The following POU6F2 variants were observed in gnomAD, a reference collection of about 807,000 sequenced individuals.
POU6F2 encodes the protein POU domain, class 6, transcription factor 2.
POU6F2 carries 31 observed loss-of-function variants against 71.3 expected under a neutral mutation model. The ratio of observed to expected loss-of-function variants is 0.43; its 90% CI spans 0.33 to 0.59. The LOEUF is 0.59. Among genes scored for constraint, POU6F2 ranks in the 20% least tolerant of loss-of-function variants. The probability of loss-of-function intolerance (pLI) is 0.04; values close to 1 mark genes in which losing one functional copy is unlikely to be tolerated. For synonymous variants in POU6F2, 347 were observed against 355.7 expected, an observed-to-expected ratio of 0.98 and a Z score of 0.27; for missense variants, 783 against 856.8, an observed-to-expected ratio of 0.91 and a Z score of 1.07.
chr7:39,436,607 C>G (rs767641002), intron 7 of POU6F2, among the ~76,000 whole-genome samples: 2 of 152,046 alleles, frequency 1.3e-5, no homozygotes, highest in African/African-American at 2.4e-5. Context: ...ATTTGAATAC[C>G]CTTTATTTTC....
intron 2 of POU6F2, among the ~76,000 whole-genome samples, chr7:39,095,019 CA>C (rs1256087964): frequency 6.6e-6 from 1 of 152,006 alleles, no homozygotes; most frequent in African/African-American, 2.4e-5. Context: ...GAGAAGCATG[CA>C]AAAAATATTG....
At chr7:39,339,085 A>T (rs1430417899) in intron 4 of POU6F2, among the ~76,000 whole-genome samples, 3 of 151,358 alleles carry the variant, frequency 2.0e-5, no homozygotes, top group African/African-American at 4.9e-5. Flanking sequence ...GAATTTTTAA[A>T]AAAAAAAAAA....
At chr7:39,025,688 G>A (rs1439291194) in intron 1 of POU6F2, among the ~76,000 whole-genome samples, 2 of 150,964 alleles carry the variant, frequency 1.3e-5, no homozygotes, top group Non-Finnish European at 3.0e-5. Context: ...CATAGGCATG[G>A]GCAAGGACTT....
At chr7:39,363,491 T>A (rs1786434248) in intron 5 of POU6F2, among the ~76,000 whole-genome samples, 1 of 151,706 alleles carries the variant, frequency 6.6e-6, no homozygotes, top group Non-Finnish European at 1.5e-5. Context: ...GTGCTGGAGA[T>A]ATAAACTTGC....
chr7:39,252,900 A>G (rs1456183466), intron 4 of POU6F2, among the ~76,000 whole-genome samples: 10 of 152,058 alleles, frequency 6.6e-5, no homozygotes, highest in Non-Finnish European at 1.3e-4. Context: ...TCTTAACACT[A>G]TGCGATAGAC....
At chr7:39,127,194 A>G (rs941367337) in intron 2 of POU6F2, among the ~76,000 whole-genome samples, 8 of 152,216 alleles carry the variant, frequency 5.3e-5, no homozygotes, top group Non-Finnish European at 1.0e-4. Flanking sequence ...CTGATAGCAT[A>G]TCACACTTGA....
intron 2 of POU6F2, among the ~76,000 whole-genome samples, chr7:39,138,313 A>T (rs1339132112): frequency 6.6e-6 from 1 of 152,210 alleles, no homozygotes; most frequent in Non-Finnish European, 1.5e-5. Context: ...TATTATTTAA[A>T]TAGGGGTCCC....
chr7:39,230,392 AAGG>A (rs2128749901), intron 4 of POU6F2, among the ~76,000 whole-genome samples: 1 of 152,262 alleles, frequency 6.6e-6, no homozygotes, highest in Non-Finnish European at 1.5e-5. Flanking sequence ...GACTGAGGCA[AAGG>A]ACCACATGAG....
intron 4 of POU6F2, among the ~76,000 whole-genome samples, chr7:39,263,929 A>T: frequency 6.6e-6 from 1 of 152,352 alleles, no homozygotes; most frequent in Middle Eastern, 3.4e-3. Context: ...AGATGTGTGC[A>T]TGGCCATTTC....
intron 3 of POU6F2, 110 bp downstream of exon 3, chr7:39,204,436 AG>A: frequency 1.2e-6 from 1 of 824,332 alleles, no homozygotes; most frequent in Non-Finnish European, 1.8e-6. Context: ...AACAGAGCAA[AG>A]ATGGTAATAA....
At chr7:39,445,379 G>A (rs937064646) in intron 7 of POU6F2, among the ~76,000 whole-genome samples, 1 of 152,174 alleles carries the variant, frequency 6.6e-6, no homozygotes, top group African/African-American at 2.4e-5. Context: ...TCATGTATCT[G>A]GATAGCTAAC....
chr7:39,139,676 C>G (rs1480846395), intron 2 of POU6F2, among the ~76,000 whole-genome samples: 2 of 152,076 alleles, frequency 1.3e-5, no homozygotes, highest in Admixed American at 1.3e-4. Context: ...TTTTGCAGCT[C>G]TTTAATGTGC....
At position 39,433,063 on chromosome 7, in the gene POU6F2, GC is replaced by G; in HGVS notation, c.1114-11del. 6.2e-7 allele frequency: 1 copy of G among 1,611,826 alleles called. No individual in the cohort carries two copies. The highest frequency in any genetic ancestry group is 8.5e-7 in the Non-Finnish European group (1 of 1,178,556). On this transcript the variant is annotated splice_polypyrimidine_tract_variant and intron_variant, in intron 6 of 9. Transcript: ENST00000518318. ...TCACCGAGCCAGCTCCTCACCTTTG[GC>G]CCTCTCTTGCAGATTATCGGGACCA...
chr7:39,203,564 T>C (rs1234776312), intron 2 of POU6F2, among the ~76,000 whole-genome samples: 2 of 152,346 alleles, frequency 1.3e-5, no homozygotes, highest in South Asian at 2.1e-4. Context: ...TTTGGTGGAA[T>C]TTCATTTTTT....
At chr7:38,981,478 C>A (rs551954427) in intron 1 of POU6F2, among the ~76,000 whole-genome samples, 330 of 152,222 alleles carry the variant, frequency 2.2e-3, no homozygotes, top group Middle Eastern at 6.8e-3. Context: ...TATAGACTGA[C>A]TTTTGCAAAT....
chr7:39,235,597 G>T (rs1418625629), intron 4 of POU6F2, among the ~76,000 whole-genome samples: 1 of 152,148 alleles, frequency 6.6e-6, no homozygotes, highest in Non-Finnish European at 1.5e-5. Context: ...GTCTAGATCA[G>T]ATTGCATTTT....
chr7:39,016,502 G>A (rs1004642852), intron 1 of POU6F2, among the ~76,000 whole-genome samples: 3 of 151,896 alleles, frequency 2.0e-5, no homozygotes, highest in Admixed American at 6.6e-5. Context: ...AATAAAAGCT[G>A]TAAAATCATA....
intron 4 of POU6F2, among the ~76,000 whole-genome samples, chr7:39,258,081 G>A (rs1038628210): frequency 1.3e-5 from 2 of 152,208 alleles, no homozygotes; most frequent in Non-Finnish European, 2.9e-5. Context: ...ATAAATTGAG[G>A]CTGAACATAG....
At chr7:39,317,969 G>C (rs142409961) in intron 4 of POU6F2, among the ~76,000 whole-genome samples, 1 of 152,028 alleles carries the variant, frequency 6.6e-6, no homozygotes, top group African/African-American at 2.4e-5. Flanking sequence ...TAAAGACTTC[G>C]CCCTTCATTT....
Sources: allele counts gnomAD v4.1 joint callset (sites outside exome capture counted in the v4.1 genomes callset), GRCh38; gene constraint gnomAD v4.1.1; transcripts MANE v1.5; gene names NCBI Gene and HGNC (gene_info 2026-07-23, HGNC 2026-07-21).